CDC123: variants seen among roughly 807,000 people sequenced by gnomAD.
CDC123 encodes the protein cell division cycle 123, also known as translation initiation factor eIF2 assembly protein.
Under a neutral mutation model 54.4 loss-of-function variants are expected in CDC123, and 37 were observed. That is an observed-to-expected ratio of 0.68 (90% CI 0.52 to 0.89). The LOEUF (loss-of-function observed/expected upper bound fraction) is 0.89, where lower values mean the gene tolerates loss of function less well. CDC123 is among the 40% of genes least tolerant of loss of function. The pLI is 0.00. For missense variants in CDC123, 361 were observed against 412.1 expected, an observed-to-expected ratio of 0.88 and a Z score of 1.07; for synonymous variants, 144 against 136.8, an observed-to-expected ratio of 1.05 and a Z score of -0.37.
At chr10:12,238,794 A>G (rs907753285) in intron 10 of CDC123, among the ~76,000 whole-genome samples, 3 of 151,836 alleles carry the variant, frequency 2.0e-5, no homozygotes, top group Middle Eastern at 3.2e-3. Flanking sequence ...CCGAGGTGGG[A>G]GGATCACTTG....
rs1384203850 is a variant in CDC123 at position 12,215,730 on chromosome 10, C to T, written c.238-10C>T. On this transcript the variant is annotated splice_polypyrimidine_tract_variant and intron_variant, in intron 4 of 12. Transcript: ENST00000281141. ...ATTGACGTGCCCAATGATTTCTTCT[C>T]TCTCTGTAGGCACCAGAATTTCCTG... 4.5e-6 allele frequency: 7 copies of T among 1,572,622 alleles called. No individual in the cohort carries two copies. Among genetic ancestry groups the T allele is most frequent in the Admixed American group, 1.7e-5 (1 of 57,884 alleles).
At chr10:12,199,281 G>A (rs1313154582) in intron 2 of CDC123, among the ~76,000 whole-genome samples, 2 of 152,150 alleles carry the variant, frequency 1.3e-5, no homozygotes, top group East Asian at 3.8e-4. Context: ...ATGCAAACTT[G>A]AAAACGTTGA....
chr10:12,206,958 C>CA (rs35906839), intron 2 of CDC123, among the ~76,000 whole-genome samples: 9,923 of 100,746 alleles, frequency 0.098, 1,318 homozygotes, highest in African/African-American at 0.31. Context: ...GACTCCATCT[C>CA]AAAAAAAAAA....
At chr10:12,221,093 T>G (rs1835729899) in intron 6 of CDC123, among the ~76,000 whole-genome samples, 1 of 151,288 alleles carries the variant, frequency 6.6e-6, no homozygotes, top group African/African-American at 2.4e-5. Flanking sequence ...TTATATAACA[T>G]AAAAATGAGA....
intron 5 of CDC123, among the ~76,000 whole-genome samples, chr10:12,216,416 T>C (rs1835665518): frequency 6.6e-6 from 1 of 152,224 alleles, no homozygotes; most frequent in African/African-American, 2.4e-5. Flanking sequence ...TTTTTTATTC[T>C]AAAATGAATG....
chr10:12,217,839 G>A (rs1835681942), intron 6 of CDC123, among the ~76,000 whole-genome samples: 1 of 152,086 alleles, frequency 6.6e-6, no homozygotes. Context: ...GGGATTCCCA[G>A]CACTTTGGGA....
chr10:12,223,037 G>A (rs921294177), intron 6 of CDC123, among the ~76,000 whole-genome samples: 8 of 151,794 alleles, frequency 5.3e-5, no homozygotes, highest in Admixed American at 2.0e-4. Context: ...GACTACAGGC[G>A]CCTGCCACCA....
chr10:12,222,415 C>T (rs895808156), intron 6 of CDC123, among the ~76,000 whole-genome samples: 11 of 152,028 alleles, frequency 7.2e-5, no homozygotes, highest in Admixed American at 2.0e-4. Context: ...GTCAGGAGTT[C>T]GAGACCAGCC....
intron 11 of CDC123, 37 bp from the exon 12 acceptor site, chr10:12,249,544 T>C: frequency 7.5e-6 from 12 of 1,594,328 alleles, no homozygotes; most frequent in Non-Finnish European, 1.0e-5. Context: ...TAAAAATAAA[T>C]GATTGATATT....
intron 7 of CDC123, among the ~76,000 whole-genome samples, chr10:12,231,762 G>C (rs112641899): frequency 6.6e-6 from 1 of 151,818 alleles, no homozygotes. Flanking sequence ...CAACACACAC[G>C]CACATACCCT....
At chr10:12,241,220 T>C (rs568326761) in intron 10 of CDC123, among the ~76,000 whole-genome samples, 98 of 152,252 alleles carry the variant, frequency 6.4e-4, no homozygotes, top group African/African-American at 2.2e-3. Flanking sequence ...CTGTGAACCA[T>C]TGCTTCATGT....
chr10:12,222,925 T>C (rs1191273775), intron 6 of CDC123, among the ~76,000 whole-genome samples: 1 of 151,598 alleles, frequency 6.6e-6, no homozygotes, highest in African/African-American at 2.4e-5. Flanking sequence ...GGAGTCTCGC[T>C]CTGTTGCCCA....
intron 6 of CDC123, among the ~76,000 whole-genome samples, chr10:12,228,814 C>T (rs1422220387): frequency 2.6e-5 from 4 of 152,224 alleles, no homozygotes; most frequent in Non-Finnish European, 5.9e-5. Flanking sequence ...AGGTGATCTG[C>T]CCGCCTCGGC....
At chr10:12,205,793 A>G (rs1243915461) in intron 2 of CDC123, among the ~76,000 whole-genome samples, 1 of 151,780 alleles carries the variant, frequency 6.6e-6, no homozygotes, top group South Asian at 2.1e-4. Flanking sequence ...AAGTCTAATA[A>G]ACTTTCACTT....
rs1415415964 is a variant in CDC123 at position 12,224,717 on chromosome 10, C to A, written c.441-6231C>A. 2.0e-5 allele frequency among the ~76,000 whole-genome samples: 3 copies of A among 152,292 alleles called. No individual in the cohort carries two copies. In the East Asian group the frequency reaches 5.8e-4, roughly 29 times the overall value. Reference sequence around the variant, plus strand: ...TGTTGAAAATTTCAGTTGAAGAAATCTTCCAAATTAATGTTAAATAGTAAC... The same window carrying A: ...TGTTGAAAATTTCAGTTGAAGAAATATTCCAAATTAATGTTAAATAGTAAC... On this transcript the variant is annotated intron_variant, in intron 6 of 12. Coordinates refer to ENST00000281141, the MANE Select transcript of CDC123 (RefSeq NM_006023.3).
chr10:12,226,758 C>T (rs1482162425), intron 6 of CDC123, among the ~76,000 whole-genome samples: 1 of 151,656 alleles, frequency 6.6e-6, no homozygotes, highest in Non-Finnish European at 1.5e-5. Context: ...AAGAGGTGCT[C>T]CTCACTTCCC....
At chr10:12,246,043 CTG>C in intron 10 of CDC123, 104 bp from the exon 11 acceptor site, 1 of 1,265,362 alleles carries the variant, frequency 7.9e-7, no homozygotes, top group Non-Finnish European at 1.1e-6. Context: ...GCACTGCAGC[CTG>C]GGCAACAGCA....
intron 6 of CDC123, among the ~76,000 whole-genome samples, chr10:12,221,770 A>T (rs933249542): frequency 1.5e-4 from 23 of 150,746 alleles, no homozygotes; most frequent in Non-Finnish European, 2.5e-4. Flanking sequence ...AAATTTTATT[A>T]AAATTTATTT....
At chr10:12,222,831 G>A (rs1315837144) in intron 6 of CDC123, among the ~76,000 whole-genome samples, 1 of 151,802 alleles carries the variant, frequency 6.6e-6, no homozygotes, top group Non-Finnish European at 1.5e-5. Flanking sequence ...TTGGCTCACT[G>A]CACCCTCTGC....
Sources: allele counts gnomAD v4.1 joint callset (sites outside exome capture counted in the v4.1 genomes callset), GRCh38; gene constraint gnomAD v4.1.1; transcripts MANE v1.5; gene names NCBI Gene and HGNC (gene_info 2026-07-23, HGNC 2026-07-21).